Variants in GRK3 observed in about 807,000 individuals in gnomAD.
GRK3 encodes the protein adrenergic, beta, receptor kinase 2.
Under a neutral mutation model 95.7 loss-of-function variants are expected in GRK3, and 54 were observed. That is an observed-to-expected ratio of 0.56 (90% confidence interval 0.45 to 0.71). GRK3 has a LOEUF of 0.71. GRK3 is among the 30% of genes least tolerant of loss of function. The pLI, the probability that GRK3 is intolerant of heterozygous loss-of-function variation, is 0.00. For synonymous variants in GRK3, 281 were observed against 290.8 expected, an observed-to-expected ratio of 0.97 and a Z score of 0.34; for missense variants, 649 against 851.2, an observed-to-expected ratio of 0.76 and a Z score of 2.96.
Position 25,685,171 on chromosome 22 carries a change from A to G in GRK3, c.749A>G (p.Asp250Gly). ...RIMLSLVSTGDCPFIVCMTYA... is the reference protein window; with the variant it reads ...RIMLSLVSTGGCPFIVCMTYA... Reference sequence around the variant, plus strand: ...TAAACTTTTATTGTTTCACTCTAGGACTGTCCTTTCATTGTATGTATGACC... The same window carrying G: ...TAAACTTTTATTGTTTCACTCTAGGGCTGTCCTTTCATTGTATGTATGACC... The change falls in exon 10 of 21, where the codon GAC becomes GGC. Residue 250 changes from aspartate (D) to glycine (G), a missense_variant and splice_region_variant. Around this residue, in one of 3 missense-constraint regions of GRK3, gnomAD observed 61 missense variants for 126.0 expected, o/e 0.48. Coordinates refer to ENST00000324198, the MANE Select transcript of GRK3 (RefSeq NM_005160.4). 6.2e-7 allele frequency: 1 copy of G among 1,609,334 alleles called. No individual in the cohort carries two copies. The highest frequency in any genetic ancestry group is 8.5e-7 in the Non-Finnish European group (1 of 1,175,634).
At chr22:25,721,494 A>G (rs2085431973) in intron 20 of GRK3, 97 bp downstream of exon 20, 1 of 727,546 alleles carries the variant, frequency 1.4e-6, no homozygotes, top group African/African-American at 1.8e-5. Context: ...GCCATGTTTT[A>G]TCACTTACAA....
At chr22:25,625,531 C>G (rs781408029) in intron 2 of GRK3, among the ~76,000 whole-genome samples, 1 of 152,204 alleles carries the variant, frequency 6.6e-6, no homozygotes, top group Admixed American at 6.5e-5. Flanking sequence ...GAACAACACT[C>G]GCTACTTAGC....
chr22:25,592,530 G>T (rs111268308), intron 1 of GRK3, among the ~76,000 whole-genome samples: 1 of 151,898 alleles, frequency 6.6e-6, no homozygotes, highest in Non-Finnish European at 1.5e-5. Context: ...TTGCTCTCAT[G>T]TCTAAAGTCT....
At chr22:25,635,299 T>G (rs1248701898) in intron 2 of GRK3, among the ~76,000 whole-genome samples, 1 of 152,188 alleles carries the variant, frequency 6.6e-6, no homozygotes, top group South Asian at 2.1e-4. Flanking sequence ...TTTAGAGACA[T>G]CACTCCTCTT....
intron 19 of GRK3, among the ~76,000 whole-genome samples, chr22:25,721,032 G>A (rs2085428253): frequency 6.6e-6 from 1 of 152,204 alleles, no homozygotes; most frequent in Non-Finnish European, 1.5e-5. Flanking sequence ...TCAGTTCTGT[G>A]TTGAGGGAAC....
At chr22:25,648,132 A>C in intron 3 of GRK3, 1 of 621,050 alleles carries the variant, frequency 1.6e-6, no homozygotes, top group Admixed American at 2.8e-5. Flanking sequence ...ACAAATAAGC[A>C]AACAGAACAA....
chr22:25,571,734 C>T (rs866952664), intron 1 of GRK3, among the ~76,000 whole-genome samples: 2 of 152,068 alleles, frequency 1.3e-5, no homozygotes, highest in Non-Finnish European at 2.9e-5. Flanking sequence ...CAGAGAAGAG[C>T]AATTGTTGAG....
chr22:25,728,954 A>C lies in GRK3; in HGVS notation c.*6504A>C, dbSNP rs946057799. The C allele has an allele frequency of 6.6e-6, 1 of 152,246 alleles. No homozygotes were observed. The highest frequency in any genetic ancestry group is 2.4e-5 in the African/African-American group (1 of 41,470). 9.4% of individuals were successfully genotyped at this position (152,246 alleles called of 1,614,324 possible). ...TATTCTTGAATACCCTTGAAGAAAG[A>C]AATCCGTTTTCTATTGTGCATTGCT... On this transcript the variant is annotated 3_prime_UTR_variant, in exon 21 of 21. Coordinates refer to ENST00000324198, the MANE Select transcript of GRK3 (RefSeq NM_005160.4).
Position 25,642,317 on chromosome 22 carries a change from T to C in GRK3, c.191-2275T>C, listed in dbSNP as rs536723924. Reference sequence around the variant, plus strand: ...CCATGATCGCGGGTGCCTGTAATCCTAGCTACTCGGGAGGCTGAGGCAGGA... The same window carrying C: ...CCATGATCGCGGGTGCCTGTAATCCCAGCTACTCGGGAGGCTGAGGCAGGA... On this transcript the variant is annotated intron_variant, in intron 2 of 20. Coordinates refer to ENST00000324198, the MANE Select transcript of GRK3 (RefSeq NM_005160.4). Among the ~76,000 whole-genome samples the C allele has an allele frequency of 3.7e-4, 56 of 152,086 alleles. 1 individual carries two copies. The highest frequency in any genetic ancestry group is 1.5e-5 in the Non-Finnish European group (1 of 67,970).
intron 9 of GRK3, among the ~76,000 whole-genome samples, chr22:25,684,333 T>A (rs757822431): frequency 3.3e-5 from 5 of 152,244 alleles, no homozygotes; most frequent in Non-Finnish European, 7.3e-5. Context: ...GGAACTTTCC[T>A]TGACTGTTTA....
intron 2 of GRK3, among the ~76,000 whole-genome samples, chr22:25,622,827 G>T (rs999375799): frequency 6.6e-6 from 1 of 152,226 alleles, no homozygotes; most frequent in African/African-American, 2.4e-5. Flanking sequence ...TCTGGAGCCA[G>T]AACTGAATAG....
chr22:25,656,011 G>T (rs541116832), intron 3 of GRK3, among the ~76,000 whole-genome samples: 33 of 152,310 alleles, frequency 2.2e-4, no homozygotes, highest in African/African-American at 7.5e-4. Context: ...CTGCTTACTA[G>T]TTGTGTAAAC....
chr22:25,687,367 C>T (rs1381876246), intron 10 of GRK3, among the ~76,000 whole-genome samples, 170 bp from the exon 11 acceptor site: 1 of 152,034 alleles, frequency 6.6e-6, no homozygotes, highest in Non-Finnish European at 1.5e-5. Context: ...TTTAAGTTTT[C>T]TCTATAACAT....
At chr22:25,694,748 A>G (rs1000953185) in intron 12 of GRK3, among the ~76,000 whole-genome samples, 16 of 148,984 alleles carry the variant, frequency 1.1e-4, no homozygotes, top group Admixed American at 8.0e-4. Context: ...TCATCCGTTC[A>G]CTCCTCCCTT....
At chr22:25,638,268 A>G (rs145385849) in intron 2 of GRK3, among the ~76,000 whole-genome samples, 198 of 152,358 alleles carry the variant, frequency 1.3e-3, no homozygotes, top group Middle Eastern at 3.4e-3. Context: ...CTTAAATACC[A>G]TCATGTAAAG....
At chr22:25,699,698 T>C (rs1195368349) in intron 13 of GRK3, among the ~76,000 whole-genome samples, 1 of 148,734 alleles carries the variant, frequency 6.7e-6, no homozygotes, top group African/African-American at 2.5e-5. Context: ...TCTTTTCTTT[T>C]CTTTTTTTTT....
At chr22:25,591,749 CT>C (rs1182263165) in intron 1 of GRK3, among the ~76,000 whole-genome samples, 1 of 152,014 alleles carries the variant, frequency 6.6e-6, no homozygotes, top group Non-Finnish European at 1.5e-5. Flanking sequence ...ACGTTGTGTA[CT>C]TTTTTGGGGG....
At chr22:25,678,728 C>T in intron 8 of GRK3, 88 bp from the exon 9 acceptor site, 5 of 692,588 alleles carry the variant, frequency 7.2e-6, no homozygotes, top group Non-Finnish European at 1.2e-5. Context: ...CCTAAATGTT[C>T]AGAAACTTGC....
chr22:25,595,540 A>C (rs2084366765), intron 1 of GRK3, among the ~76,000 whole-genome samples: 1 of 152,266 alleles, frequency 6.6e-6, no homozygotes, highest in South Asian at 2.1e-4. Context: ...ACTGAATAGT[A>C]CAGTGAAGAA....
Sources: gnomAD v4.1 joint callset for allele counts (sites outside exome capture counted in the v4.1 genomes callset) on GRCh38, gnomAD v4.1.1 for gene constraint, gnomAD v4.1.1 regional missense constraint, MANE v1.5 for transcripts, NCBI Gene and HGNC (gene_info 2026-07-23, HGNC 2026-07-21) for gene names.